The following NADK2 variants were observed in gnomAD, a reference collection of about 807,000 sequenced individuals.
The protein encoded by NADK2 is NAD kinase 2, mitochondrial, also known as NAD kinase domain-containing protein 1, mitochondrial.
NADK2 carries 35 observed loss-of-function variants against 62.1 expected under a neutral mutation model. That is an observed-to-expected ratio of 0.56 (90% CI 0.43 to 0.75). The LOEUF is 0.75. NADK2 is among the 30% of genes least tolerant of loss of function. NADK2 has a pLI of 0.00. For synonymous variants in NADK2, 205 were observed against 207.9 expected, an observed-to-expected ratio of 0.99 and a Z score of 0.12; for missense variants, 439 against 561.3, an observed-to-expected ratio of 0.78 and a Z score of 2.20.
In NADK2 at chr5:36,241,271, G is replaced by T; in HGVS notation, c.300+228C>A. The T allele has an allele frequency of 1.2e-6, 1 of 829,364 alleles. No homozygotes were observed. Among genetic ancestry groups the T allele is most frequent in the Non-Finnish European group, 1.7e-6 (1 of 605,204 alleles). The allele number at this position is 829,364 out of a possible 1,614,324, so 51.4% of individuals were successfully genotyped here. On this transcript the variant is annotated intron_variant, in intron 1 of 11. Coordinates refer to ENST00000381937, the MANE Select transcript of NADK2 (RefSeq NM_001085411.3). This position sits in a 1 kb window ranked among gnomAD's most constrained non-coding sequence, Gnocchi z 4.9. Reference sequence around the variant, plus strand: ...CTCCTAAGTCCCTGCATGAACCACTGTCCCTCTCTCTCCCCCTCTCCCCGG... The same window carrying T: ...CTCCTAAGTCCCTGCATGAACCACTTTCCCTCTCTCTCCCCCTCTCCCCGG...
chr5:36,232,263 A>C (rs986776774), intron 1 of NADK2, among the ~76,000 whole-genome samples: 1 of 152,230 alleles, frequency 6.6e-6, no homozygotes, highest in African/African-American at 2.4e-5. Flanking sequence ...TTGCAATTAC[A>C]AATTTTTAAG....
In NADK2 at chr5:36,195,229, G is replaced by T; in HGVS notation, c.1244C>A (p.Thr415Asn). Reference protein sequence around the residue: ...WDACMVVDGGTSFEFNDGAIA... With the variant: ...WDACMVVDGGNSFEFNDGAIA... ...TGCACCATCATTAAACTCAAAAGAA[G>T]TTCCTCCATCCACAACCATACAGGC... Residue 415 changes from threonine (T) to asparagine (N), a missense_variant, in exon 12 of 12, where the codon ACT (threonine) becomes AAT (asparagine). Transcript: ENST00000381937. 6.2e-7 allele frequency: 1 copy of T among 1,613,194 alleles called. No individual in the cohort carries two copies. Among genetic ancestry groups the T allele is most frequent in the Non-Finnish European group, 8.5e-7 (1 of 1,179,670 alleles).
At chr5:36,225,482 A>G in intron 4 of NADK2, 60 bp downstream of exon 4, 1 of 1,337,520 alleles carries the variant, frequency 7.5e-7, no homozygotes, top group Non-Finnish European at 1.1e-6. Flanking sequence ...TGTATAACCT[A>G]AAAAAAAACT....
At chr5:36,212,953 G>C (rs1746905853) in intron 6 of NADK2, 1 of 152,192 alleles carries the variant, frequency 6.6e-6, no homozygotes. Flanking sequence ...TCACTTCTGA[G>C]ATCAGGTTAG....
intron 9 of NADK2, among the ~76,000 whole-genome samples, chr5:36,200,739 T>G (rs13162876): frequency 0.49 from 74,256 of 151,766 alleles, 19,258 homozygotes; most frequent in Non-Finnish European, 0.58. Context: ...GTAGCTGACT[T>G]GGTTATTAGA....
intron 6 of NADK2, among the ~76,000 whole-genome samples, chr5:36,213,853 T>C (rs1319654175): frequency 6.6e-6 from 1 of 152,056 alleles, no homozygotes; most frequent in Admixed American, 6.6e-5. Flanking sequence ...TAGGTACTCA[T>C]GAAATATTAC....
Position 36,205,818 on chromosome 5 carries a change from A to G in NADK2, c.956+1352T>C, listed in dbSNP as rs746885011. ...GTATATACCCAAAGGATTATAAATC[A>G]TACTACTATAAAGACACATGCACAT... On this transcript the variant is annotated intron_variant, in intron 8 of 11. Coordinates refer to ENST00000381937, the MANE Select transcript of NADK2 (RefSeq NM_001085411.3). The surrounding 1 kb of genome is among the most constrained non-coding windows in gnomAD (Gnocchi z 4.1). Among the ~76,000 whole-genome samples the G allele has an allele frequency of 6.6e-6, 1 of 152,184 alleles. No individual in the cohort carries two copies. Among genetic ancestry groups the G allele is most frequent in the East Asian group, 1.9e-4 (1 of 5,190 alleles).
rs2112162710 is a variant in NADK2 at position 36,225,684 on chromosome 5, G to C, written c.479-61C>G. 5.2e-6 allele frequency: 8 copies of C among 1,526,348 alleles called. No homozygotes were observed. The East Asian group carries it at 6.8e-5, about 13-fold the overall frequency. 94.6% of individuals were successfully genotyped at this position (1,526,348 alleles called of 1,614,324 possible). A position where few individuals can be genotyped will look rare whatever the true frequency, so the allele number is the denominator to read the frequency against. On this transcript the variant is annotated intron_variant, in intron 3 of 11. Transcript: ENST00000381937. ...AATTTCTGTTATAAATCTAGTTTTTGGCCATTTTGAAAATCAGTAGTTTTA... is the reference window on the plus strand; with the variant it reads ...AATTTCTGTTATAAATCTAGTTTTTCGCCATTTTGAAAATCAGTAGTTTTA...
In NADK2 at chr5:36,241,886, G is replaced by C. The variant is rs34888491; in HGVS notation, c.-88C>G. Reference sequence around the variant, plus strand: ...GGAGTGCGCGCCGTCCGCGCCGCCCGGGCCTCTAACTTCGCGCCGGACGGG... The same window carrying C: ...GGAGTGCGCGCCGTCCGCGCCGCCCCGGCCTCTAACTTCGCGCCGGACGGG... On this transcript the variant is annotated 5_prime_UTR_variant, in exon 1 of 12. Coordinates refer to ENST00000381937, the MANE Select transcript of NADK2 (RefSeq NM_001085411.3). The surrounding 1 kb of genome is among the most constrained non-coding windows in gnomAD (Gnocchi z 4.9). 0.96 allele frequency: 1,012,452 copies of C among 1,051,506 alleles called. 490,283 individuals carry two copies. The highest frequency in any genetic ancestry group is 0.99 in the Non-Finnish European group (853,904 of 864,832). The allele number at this position is 1,051,506 out of a possible 1,614,324, so 65.1% of individuals were successfully genotyped here. A position where few individuals can be genotyped will look rare whatever the true frequency, so the allele number is the denominator to read the frequency against.
chr5:36,203,045 T>C (rs566008043), intron 8 of NADK2, among the ~76,000 whole-genome samples: 5 of 152,052 alleles, frequency 3.3e-5, no homozygotes, highest in South Asian at 4.2e-4. Flanking sequence ...GAGAGAAAAA[T>C]AGACTATCCT....
Position 36,217,423 on chromosome 5 carries a change from T to C in NADK2, c.781+325A>G, listed in dbSNP as rs1747085196. ...CCATCATAATCTTCCACAGATTAGC[T>C]CATTTCATCTCTACTGCTTTTTTTT... On this transcript the variant is annotated intron_variant, in intron 6 of 11. Transcript: ENST00000381937. Among the ~76,000 whole-genome samples, 4 of 152,002 alleles carry C rather than the reference T, an allele frequency of 2.6e-5. No individual in the cohort carries two copies. In the South Asian group the frequency reaches 8.3e-4, roughly 31 times the overall value.
chr5:36,220,818 G>C (rs765077191), intron 4 of NADK2, among the ~76,000 whole-genome samples: 6 of 152,166 alleles, frequency 3.9e-5, no homozygotes, highest in African/African-American at 7.2e-5. Context: ...CCACTTCCAG[G>C]GTTGCTCACT....
chr5:36,241,675 C>CG lies in NADK2; in HGVS notation c.123_124insC (p.Gly42ArgfsTer66). The CG allele has an allele frequency of 8.3e-7, 1 of 1,202,574 alleles. No homozygotes were observed. Among genetic ancestry groups the CG allele is most frequent in the Non-Finnish European group, 1.0e-6 (1 of 970,658 alleles). The allele number at this position is 1,202,574 out of a possible 1,614,324, so 74.5% of individuals were successfully genotyped here. ...CCCTGCCCCAGGTGCCGCCGGCCGC[C>CG]ACCGTCACCGCCCAGCCGGGGCCGC... is the stretch of plus-strand genomic sequence containing the variant. On this transcript the variant is annotated frameshift_variant, in exon 1 of 12. Coordinates refer to ENST00000381937, the MANE Select transcript of NADK2 (RefSeq NM_001085411.3). LOFTEE classifies it high-confidence loss of function. This position sits in a 1 kb window ranked among gnomAD's most constrained non-coding sequence, Gnocchi z 4.9.
rs150669856 is a variant in NADK2 at position 36,230,999 on chromosome 5, T to C, written c.301-3434A>G. 2.6e-4 allele frequency among the ~76,000 whole-genome samples: 40 copies of C among 152,348 alleles called. 1 individual carries two copies. The highest frequency in any genetic ancestry group is 9.1e-4 in the African/African-American group (38 of 41,588). Reference sequence around the variant, plus strand: ...AAACTTCAAGGGTAGCTGGCCCTCATACTTCAATTCCCTATCCAGGATTTT... The same window carrying C: ...AAACTTCAAGGGTAGCTGGCCCTCACACTTCAATTCCCTATCCAGGATTTT... On this transcript the variant is annotated intron_variant, in intron 1 of 11. Transcript: ENST00000381937.
chr5:36,213,418 A>T (rs562347825), intron 6 of NADK2, among the ~76,000 whole-genome samples: 171 of 151,956 alleles, frequency 1.1e-3, no homozygotes, highest in African/African-American at 3.9e-3. Flanking sequence ...TCTGTTTATT[A>T]TGTTTATTAA....
rs1392718031 is a variant in NADK2, at chr5:36,241,268, A to ACTGTCC, written c.300+225_300+230dup. 7.5e-6 allele frequency: 6 copies of ACTGTCC among 799,932 alleles called. No homozygotes were observed. The highest frequency in any genetic ancestry group is 1.0e-5 in the Non-Finnish European group (6 of 581,590). The allele number at this position is 799,932 out of a possible 1,614,324, so 49.6% of individuals were successfully genotyped here. A position where few individuals can be genotyped will look rare whatever the true frequency, so the allele number is the denominator to read the frequency against. ...TGCCTCCTAAGTCCCTGCATGAACC[A>ACTGTCC]CTGTCCCTCTCTCTCCCCCTCTCCC... On this transcript the variant is annotated intron_variant, in intron 1 of 11. Coordinates refer to ENST00000381937, the MANE Select transcript of NADK2 (RefSeq NM_001085411.3). This position sits in a 1 kb window ranked among gnomAD's most constrained non-coding sequence, Gnocchi z 4.9.
At position 36,241,312 on chromosome 5, in the gene NADK2, G is replaced by C; in HGVS notation, c.300+187C>G. The C allele has an allele frequency of 1.7e-6, 2 of 1,170,870 alleles. No individual in the cohort carries two copies. Among genetic ancestry groups the C allele is most frequent in the Non-Finnish European group, 2.2e-6 (2 of 902,412 alleles). The allele number at this position is 1,170,870 out of a possible 1,614,324, so 72.5% of individuals were successfully genotyped here. ...CTCTCCCCGGCCCTGCCTCTCCCTCGCACACACGCCCAAAGGCAAAGGAGG... is the reference window on the plus strand; with the variant it reads ...CTCTCCCCGGCCCTGCCTCTCCCTCCCACACACGCCCAAAGGCAAAGGAGG... On this transcript the variant is annotated intron_variant, in intron 1 of 11. Transcript: ENST00000381937. This position sits in a 1 kb window ranked among gnomAD's most constrained non-coding sequence, Gnocchi z 4.9.
intron 5 of NADK2, 144 bp downstream of exon 5, chr5:36,219,452 C>A: frequency 1.7e-6 from 1 of 601,184 alleles, no homozygotes; most frequent in Non-Finnish European, 2.9e-6. Context: ...CTCAAGTGAT[C>A]CACCCGCATC....
At chr5:36,235,616 T>C (rs976503177) in intron 1 of NADK2, among the ~76,000 whole-genome samples, 3 of 152,162 alleles carry the variant, frequency 2.0e-5, no homozygotes, top group Admixed American at 6.5e-5. Flanking sequence ...GTTATATCCA[T>C]GCAGCCACAT....
Sources: allele counts gnomAD v4.1 joint callset (sites outside exome capture counted in the v4.1 genomes callset), GRCh38; gene constraint gnomAD v4.1.1; non-coding constraint Gnocchi (gnomAD v3.1); transcripts MANE v1.5; gene names NCBI Gene and HGNC (gene_info 2026-07-23, HGNC 2026-07-21).